PCLO: variants seen among roughly 807,000 people sequenced by gnomAD.
PCLO encodes piccolo presynaptic cytomatrix protein.
Under a neutral mutation model 427.5 loss-of-function variants are expected in PCLO, and 82 were observed. The ratio of observed to expected loss-of-function variants is 0.19; its 90% CI spans 0.16 to 0.23. The LOEUF is 0.23. Ranked by LOEUF, PCLO falls within the 10% of genes least tolerant of loss-of-function variation. The pLI, the probability that PCLO is intolerant of heterozygous loss-of-function variation, is 1.00. For missense variants in PCLO, 6,239 were observed against 6,115.9 expected, an observed-to-expected ratio of 1.02 and a Z score of -0.67; for synonymous variants, 2,357 against 2,155.4, an observed-to-expected ratio of 1.09 and a Z score of -2.59.
At chr7:82,798,247 A>T (rs1341833352) in intron 22 of PCLO, among the ~76,000 whole-genome samples, 4 of 152,108 alleles carry the variant, frequency 2.6e-5, no homozygotes, top group African/African-American at 4.8e-5. Flanking sequence ...CATTTCAAGG[A>T]TCTATAATTT....
chr7:82,876,560 T>C lies in PCLO; in HGVS notation c.13654+2777A>G, dbSNP rs147689221. ...AATACTTGTGAATACCCATTTGAAC[T>C]TGTAAACTTCTAGCTAGTTAATCTT... On this transcript the variant is annotated intron_variant, in intron 10 of 24. Transcript: ENST00000333891. Among the ~76,000 whole-genome samples, 172 of 151,960 alleles carry C rather than the reference T, an allele frequency of 1.1e-3. 5 individuals are homozygous for C. The East Asian group carries it at 0.03, about 27-fold the overall frequency.
intron 7 of PCLO, 31 bp downstream of exon 7, chr7:82,914,655 G>C: frequency 2.5e-6 from 4 of 1,605,856 alleles, no homozygotes; most frequent in Non-Finnish European, 3.4e-6. Context: ...TGAGTTTTGA[G>C]AGTAACAGGG....
chr7:82,794,292 C>CT (rs1359706555), intron 22 of PCLO, among the ~76,000 whole-genome samples: 1 of 151,434 alleles, frequency 6.6e-6, no homozygotes, highest in Non-Finnish European at 1.5e-5. Context: ...AATAACGTTT[C>CT]TTTTCATCTC....
intron 19 of PCLO, 88 bp from the exon 20 acceptor site, chr7:82,822,777 A>C: frequency 9.6e-7 from 1 of 1,046,678 alleles, no homozygotes; most frequent in East Asian, 2.4e-5. Flanking sequence ...AAACTGCCTA[A>C]AATTTATGTT....
chr7:83,158,957 C>T (rs1402939839), intron 1 of PCLO, among the ~76,000 whole-genome samples: 1 of 151,940 alleles, frequency 6.6e-6, no homozygotes, highest in African/African-American at 2.4e-5. Context: ...TTTTGTTAGG[C>T]ATAACAGTTT....
intron 22 of PCLO, among the ~76,000 whole-genome samples, chr7:82,783,629 A>G (rs1476780251): frequency 6.6e-6 from 1 of 152,144 alleles, no homozygotes; most frequent in Non-Finnish European, 1.5e-5. Context: ...CTCAAAACCA[A>G]CCAACCAAAC....
chr7:82,781,144 A>C (rs1790863883), intron 22 of PCLO, among the ~76,000 whole-genome samples: 3 of 152,034 alleles, frequency 2.0e-5, no homozygotes, highest in South Asian at 2.1e-4. Flanking sequence ...AGATTTAAAA[A>C]ATTTTTCATT....
chr7:82,760,209 A>G (rs1790401748), intron 24 of PCLO, among the ~76,000 whole-genome samples: 1 of 152,000 alleles, frequency 6.6e-6, no homozygotes, highest in East Asian at 1.9e-4. Flanking sequence ...GAATGATTCA[A>G]GATAATGGTG....
chr7:83,071,243 T>C (rs1323927106), intron 3 of PCLO, among the ~76,000 whole-genome samples: 2 of 152,186 alleles, frequency 1.3e-5, no homozygotes, highest in Non-Finnish European at 2.9e-5. Context: ...TTGTCACCTC[T>C]AATCTACTTT....
At chr7:82,842,195 C>T (rs1792384519) in intron 13 of PCLO, among the ~76,000 whole-genome samples, 1 of 152,026 alleles carries the variant, frequency 6.6e-6, no homozygotes, top group Admixed American at 6.6e-5. Context: ...AGCAGACAGA[C>T]ATATGGAATG....
At chr7:82,919,819 C>T (rs1265981675) in intron 6 of PCLO, among the ~76,000 whole-genome samples, 2 of 152,026 alleles carry the variant, frequency 1.3e-5, no homozygotes, top group East Asian at 3.9e-4. Context: ...TAGATTTTCC[C>T]TAAAATACAT....
chr7:82,841,424 G>T (rs779229186), intron 14 of PCLO, 35 bp downstream of exon 14: 19 of 1,371,920 alleles, frequency 1.4e-5, no homozygotes, highest in Non-Finnish European at 1.8e-5. Context: ...ACCAAAAAAG[G>T]TTATATAATG....
intron 9 of PCLO, among the ~76,000 whole-genome samples, chr7:82,892,473 C>G (rs1178560369): frequency 6.6e-6 from 1 of 152,110 alleles, no homozygotes; most frequent in East Asian, 1.9e-4. Flanking sequence ...CCATAATAAT[C>G]CCAGCAGAAA....
chr7:82,954,242 T>C lies in PCLO; in HGVS notation c.6711A>G (p.Ile2237Met). Residue 2237 changes from isoleucine (I) to methionine (M), a missense_variant, in exon 5 of 25, where the codon ATA (isoleucine) becomes ATG (methionine). Transcript: ENST00000333891. ...SSSTYFPGSI[I>M]DYPEEISVSL... ...ATACACTTATTTCTTCTGGATAGTC[T>C]ATAATGCTGCCTGGAAAATAAGTTG... is the stretch of plus-strand genomic sequence containing the variant. 1 of 1,613,742 alleles carries C rather than the reference T, an allele frequency of 6.2e-7. No individual in the cohort carries two copies. Among genetic ancestry groups the C allele is most frequent in the Non-Finnish European group, 8.5e-7 (1 of 1,179,758 alleles).
intron 10 of PCLO, among the ~76,000 whole-genome samples, chr7:82,874,934 T>C (rs1562830999): frequency 6.6e-6 from 1 of 152,154 alleles, no homozygotes; most frequent in Non-Finnish European, 1.5e-5. Context: ...CAAAAAATTG[T>C]TAAAATTGTA....
At position 82,952,364 on chromosome 7, in the gene PCLO, T is replaced by C; in HGVS notation, c.8589A>G (p.Ala2863=). 1 of 1,613,880 alleles carries C rather than the reference T, an allele frequency of 6.2e-7. No homozygotes were observed. Among genetic ancestry groups the C allele is most frequent in the Middle Eastern group, 1.6e-4 (1 of 6,062 alleles). ...INLSLGTPAH[A]VTLAITKPVT... Reference sequence around the variant, plus strand: ...CAGGTTTTGTAATAGCCAATGTCACTGCATGTGCTGGAGTACCTAGAGATA... The same window carrying C: ...CAGGTTTTGTAATAGCCAATGTCACCGCATGTGCTGGAGTACCTAGAGATA... Residue 2863 remains alanine (A), a synonymous_variant, in exon 5 of 25, where the codon GCA becomes GCG. Coordinates refer to ENST00000333891, the MANE Select transcript of PCLO (RefSeq NM_033026.6).
At chr7:82,846,490 A>G in intron 12 of PCLO, 77 bp downstream of exon 12, 1 of 865,454 alleles carries the variant, frequency 1.2e-6, no homozygotes, top group Non-Finnish European at 1.9e-6. Context: ...ATCTTCATCT[A>G]CAATTACATC....
intron 3 of PCLO, among the ~76,000 whole-genome samples, chr7:83,117,487 T>C (rs542220258): frequency 6.6e-6 from 1 of 152,324 alleles, no homozygotes; most frequent in East Asian, 1.9e-4. Context: ...CCACTTTTTA[T>C]CCTGGCCATT....
intron 4 of PCLO, among the ~76,000 whole-genome samples, chr7:82,962,105 T>C (rs1383356389): frequency 6.6e-6 from 1 of 152,208 alleles, no homozygotes; most frequent in Non-Finnish European, 1.5e-5. Context: ...GAAAGCTATT[T>C]GAAATCTGTT....
Sources: allele counts gnomAD v4.1 joint callset (sites outside exome capture counted in the v4.1 genomes callset), GRCh38; gene constraint gnomAD v4.1.1; transcripts MANE v1.5; gene names NCBI Gene and HGNC (gene_info 2026-07-23, HGNC 2026-07-21).